The following JADE3 variants were observed in gnomAD, a reference collection of about 807,000 sequenced individuals.
JADE3 encodes jade family PHD finger 3, also known as protein Jade-3.
In JADE3, 2 loss-of-function variants were observed where a neutral mutation model predicts 50.1. The observed-to-expected ratio is 0.04, with a 90% CI of 0.02 to 0.13. JADE3 has a LOEUF of 0.13. Ranked by LOEUF, JADE3 falls within the 10% of genes least tolerant of loss-of-function variation. JADE3 has a pLI of 1.00. For synonymous variants in JADE3, 218 were observed against 232.9 expected, an observed-to-expected ratio of 0.94 and a Z score of 0.58; for missense variants, 475 against 634.4, an observed-to-expected ratio of 0.75 and a Z score of 2.70.
chrX:47,007,327 C>T (rs1928450941), intron 4 of JADE3, among the ~76,000 whole-genome samples: 1 of 111,197 alleles, frequency 9.0e-6, no homozygotes, highest in African/African-American at 3.3e-5. Context: ...TTCTTCTGTA[C>T]CCTTGTTGAT....
At chrX:46,989,867 C>G (rs782180580) in intron 3 of JADE3, among the ~76,000 whole-genome samples, 87 of 110,477 alleles carry the variant, frequency 7.9e-4, no homozygotes, top group Non-Finnish European at 1.2e-3. Context: ...TCCCACAGGT[C>G]CCTCAGGCAC....
At chrX:47,015,089 TAAAG>T (rs1476021804) in intron 4 of JADE3, among the ~76,000 whole-genome samples, 2 of 112,292 alleles carry the variant, frequency 1.8e-5, no homozygotes, top group Non-Finnish European at 3.8e-5. Flanking sequence ...AGGTTTTTAA[TAAAG>T]AATGTTATAG....
At chrX:47,039,201 G>A (rs781981472) in intron 8 of JADE3, 136 bp downstream of exon 8, 2 of 404,041 alleles carry the variant, frequency 4.9e-6, no homozygotes, top group African/African-American at 5.1e-5. Context: ...CCATTGTACG[G>A]ACCATTTCTG....
At chrX:46,922,756 A>T (rs1336943899) in intron 1 of JADE3, among the ~76,000 whole-genome samples, 2 of 110,159 alleles carry the variant, frequency 1.8e-5, no homozygotes, top group African/African-American at 6.6e-5. Flanking sequence ...TATTTTTTAC[A>T]TTAGAGTCTT....
At chrX:46,932,351 CTGTT>C (rs1259457029) in intron 1 of JADE3, among the ~76,000 whole-genome samples, 3 of 111,881 alleles carry the variant, frequency 2.7e-5, no homozygotes, top group African/African-American at 9.7e-5. Context: ...GTAAAATTTT[CTGTT>C]TGGTAGAAGA....
intron 3 of JADE3, among the ~76,000 whole-genome samples, chrX:46,996,046 C>CT (rs782570893): frequency 8.9e-5 from 10 of 111,774 alleles, no homozygotes; most frequent in Admixed American, 9.5e-5. Flanking sequence ...GTATTTCTCT[C>CT]TTTTTTTTGA....
At chrX:47,011,615 T>A (rs1556361669) in intron 4 of JADE3, among the ~76,000 whole-genome samples, 1 of 112,118 alleles carries the variant, frequency 8.9e-6, no homozygotes, top group African/African-American at 3.2e-5. Flanking sequence ...TGTCAAACTA[T>A]TTTTTATAGC....
At chrX:46,966,707 A>G (rs1298766919) in intron 1 of JADE3, among the ~76,000 whole-genome samples, 1 of 111,796 alleles carries the variant, frequency 8.9e-6, no homozygotes, top group African/African-American at 3.3e-5. Context: ...TACAGACTGT[A>G]AACTACTTTT....
In JADE3 at chrX:46,978,556, G is replaced by A. The variant is rs781923611; in HGVS notation, c.-11-6328G>A. On this transcript the variant is annotated intron_variant, in intron 1 of 10. Coordinates refer to ENST00000614628, the MANE Select transcript of JADE3 (RefSeq NM_014735.5). The stretch of plus-strand genomic sequence containing the variant: ...CTGGCAAGCAAGTATGAAACAAGAC[G>A]AACGTGTTCCCGGAATCACATGGGG... Among the ~76,000 whole-genome samples the A allele has an allele frequency of 4.5e-5, 5 of 111,816 alleles. No homozygotes were observed. In the South Asian group the frequency reaches 1.1e-3, roughly 25 times the overall value.
chrX:47,013,439 A>G (rs781869723), intron 4 of JADE3, among the ~76,000 whole-genome samples: 1 of 112,367 alleles, frequency 8.9e-6, no homozygotes, highest in African/African-American at 3.2e-5. Flanking sequence ...GGAACTTTTT[A>G]AAAGTTAATG....
intron 5 of JADE3, 96 bp downstream of exon 5, chrX:47,025,010 TTTC>T (rs782790262): frequency 2.3e-6 from 1 of 443,085 alleles, no homozygotes; most frequent in Non-Finnish European, 3.8e-6. Flanking sequence ...TGTTGCCTCC[TTTC>T]TTTTCTGGCC....
rs1206941497 is a variant in JADE3 at position 46,912,464 on chromosome X, C to T, written c.-267C>T. On this transcript the variant is annotated 5_prime_UTR_variant, in exon 1 of 11. Transcript: ENST00000614628. ...TAGTGCTCCGCGCCGCCTCAGCCGC[C>T]GCCGCCGCCCAACCGCCTGCCCAGC... 8.9e-6 allele frequency: 1 copy of T among 112,312 alleles called. No individual in the cohort carries two copies. Among genetic ancestry groups the T allele is most frequent in the African/African-American group, 3.2e-5 (1 of 30,996 alleles). The allele number at this position is 112,312 out of a possible 1,213,427, so 9.3% of individuals were successfully genotyped here.
intron 8 of JADE3, among the ~76,000 whole-genome samples, chrX:47,047,760 C>T (rs782082052): frequency 9.0e-6 from 1 of 111,627 alleles, no homozygotes; most frequent in African/African-American, 3.2e-5. Flanking sequence ...ACCAGTAATT[C>T]TACTCCTAAG....
At chrX:46,966,970 C>T (rs1201401326) in intron 1 of JADE3, among the ~76,000 whole-genome samples, 1 of 112,193 alleles carries the variant, frequency 8.9e-6, no homozygotes, top group Admixed American at 9.4e-5. Context: ...CTCCTGGTCA[C>T]TGGAGTAGTC....
At chrX:46,951,634 ATTCT>A (rs1927007136) in intron 1 of JADE3, among the ~76,000 whole-genome samples, 1 of 105,717 alleles carries the variant, frequency 9.5e-6, no homozygotes. Context: ...TCTGTGTTAG[ATTCT>A]AGTTATACAA....
rs200908034 is a variant in JADE3, at chrX:47,059,119, A to G, written c.*42A>G. ...ATGACCCAACCTTTGCCTTTGCCCC[A>G]TATATTGGGGAAAACCCATACACCA... On this transcript the variant is annotated 3_prime_UTR_variant, in exon 11 of 11. Coordinates refer to ENST00000614628, the MANE Select transcript of JADE3 (RefSeq NM_014735.5). The G allele has an allele frequency of 4.9e-3, 4,971 of 1,015,871 alleles. 18 individuals carry two copies. Among genetic ancestry groups the G allele is most frequent in the Middle Eastern group, 0.01 (38 of 3,694 alleles). 83.7% of individuals were successfully genotyped at this position (1,015,871 alleles called of 1,213,427 possible).
intron 4 of JADE3, among the ~76,000 whole-genome samples, chrX:47,018,188 A>G (rs187471740): frequency 7.9e-4 from 87 of 109,563 alleles, no homozygotes; most frequent in African/African-American, 2.8e-3. Flanking sequence ...GGCCCCTCCC[A>G]TCTCCCCTTA....
chrX:47,056,516 G>A (rs1929635467), intron 10 of JADE3, among the ~76,000 whole-genome samples: 1 of 111,817 alleles, frequency 8.9e-6, no homozygotes, highest in Non-Finnish European at 1.9e-5. Context: ...AAATTGACGG[G>A]ATAGGATCTA....
intron 4 of JADE3, among the ~76,000 whole-genome samples, chrX:47,000,182 A>G (rs1275929052): frequency 9.0e-6 from 1 of 111,063 alleles, no homozygotes; most frequent in Non-Finnish European, 1.9e-5. Context: ...ACATGTCCCA[A>G]AACTCACTGG....
Sources: gnomAD v4.1 joint callset for allele counts (sites outside exome capture counted in the v4.1 genomes callset) on GRCh38, gnomAD v4.1.1 for gene constraint, MANE v1.5 for transcripts, NCBI Gene and HGNC (gene_info 2026-07-23, HGNC 2026-07-21) for gene names.